ARHGAP5: variants seen among roughly 807,000 people sequenced by gnomAD.
The protein encoded by ARHGAP5 is rho GTPase-activating protein 5.
A neutral mutation model predicts 116.6 loss-of-function variants in ARHGAP5; 23 were observed. That is an observed-to-expected ratio of 0.20 (90% CI 0.14 to 0.28). The LOEUF (loss-of-function observed/expected upper bound fraction) is 0.28. Ranked by LOEUF, ARHGAP5 falls within the 10% of genes least tolerant of loss-of-function variation. The pLI is 1.00. For synonymous variants in ARHGAP5, 574 were observed against 602.0 expected (o/e 0.95, Z 0.68); for missense variants, 1,405 against 1,774.8 (o/e 0.79, Z 3.74).
At chr14:32,123,586 CTT>C (rs904119545) in intron 3 of ARHGAP5, among the ~76,000 whole-genome samples, 2 of 150,724 alleles carry the variant, frequency 1.3e-5, no homozygotes, top group African/African-American at 4.9e-5. Flanking sequence ...TTTTCTGCTT[CTT>C]GTTTTGATAG....
chr14:32,145,498 A>G (rs1315617990), intron 3 of ARHGAP5, among the ~76,000 whole-genome samples: 2 of 152,044 alleles, frequency 1.3e-5, no homozygotes, highest in African/African-American at 2.4e-5. Context: ...AGTTTTGGGT[A>G]TGGTGGTGGT....
At chr14:32,080,978 A>G (rs571510195) in intron 1 of ARHGAP5, among the ~76,000 whole-genome samples, 209 of 152,284 alleles carry the variant, frequency 1.4e-3, no homozygotes, top group African/African-American at 4.7e-3. Flanking sequence ...TTTCATCATG[A>G]AGAGTTAATG....
chr14:32,140,605 A>G (rs188778480), intron 3 of ARHGAP5, among the ~76,000 whole-genome samples: 1 of 152,196 alleles, frequency 6.6e-6, no homozygotes, highest in East Asian at 1.9e-4. Flanking sequence ...AAGAAAAAAG[A>G]ATGTTGTTTA....
intron 1 of ARHGAP5, among the ~76,000 whole-genome samples, chr14:32,082,929 C>T (rs1031306123): frequency 6.6e-6 from 1 of 152,214 alleles, no homozygotes; most frequent in Non-Finnish European, 1.5e-5. Context: ...GTCTTGTATT[C>T]CTCCTCTAGA....
intron 1 of ARHGAP5, among the ~76,000 whole-genome samples, chr14:32,079,348 A>C (rs967825386): frequency 6.6e-6 from 1 of 152,170 alleles, no homozygotes; most frequent in Non-Finnish European, 1.5e-5. Context: ...TTGCGGCAGA[A>C]TTCTGTTATC....
At chr14:32,080,787 C>T (rs929906829) in intron 1 of ARHGAP5, among the ~76,000 whole-genome samples, 1 of 147,336 alleles carries the variant, frequency 6.8e-6, no homozygotes, top group Non-Finnish European at 1.5e-5. Flanking sequence ...TTTTTTTTTC[C>T]CCCCACTGTG....
In ARHGAP5 at chr14:32,092,289, C is replaced by T; in HGVS notation, c.1620C>T (p.Ser540=). ...AGAAACTTGCACCTGATAGGGAATCCCTTCTACTTAAGCATATAGGATTTG... is the reference window on the plus strand; with the variant it reads ...AGAAACTTGCACCTGATAGGGAATCTCTTCTACTTAAGCATATAGGATTTG... ...ALQKLAPDRE[S]LLLKHIGFVY... is the part of the protein sequence containing the mutation. Residue 540 remains serine, a synonymous_variant, in exon 2 of 7, where the codon TCC becomes TCT. Coordinates refer to ENST00000345122, the MANE Select transcript of ARHGAP5 (RefSeq NM_001030055.2). This position sits in a 1 kb window ranked among gnomAD's most constrained non-coding sequence, Gnocchi z 4.1. 1 of 1,613,594 alleles carries T rather than the reference C, an allele frequency of 6.2e-7. No individual in the cohort carries two copies.
At chr14:32,138,970 C>T (rs1293042936) in intron 3 of ARHGAP5, among the ~76,000 whole-genome samples, 8 of 151,948 alleles carry the variant, frequency 5.3e-5, no homozygotes, top group African/African-American at 1.2e-4. Flanking sequence ...ATGGTTCCCC[C>T]CACCCCCTGC....
chr14:32,077,470 C>A (rs1012278464), intron 1 of ARHGAP5, 35 bp downstream of exon 1: 4 of 686,382 alleles, frequency 5.8e-6, no homozygotes, highest in Non-Finnish European at 1.1e-5. Flanking sequence ...TCCAAGCCTG[C>A]CTGCCCCCTC....
Position 32,157,737 on chromosome 14 carries a change from T to C in ARHGAP5, c.*2789T>C, listed in dbSNP as rs939958350. The C allele has an allele frequency of 2.0e-5, 3 of 151,694 alleles. No homozygotes were observed. Among genetic ancestry groups the C allele is most frequent in the Admixed American group, 2.0e-4 (3 of 15,238 alleles). The allele number at this position is 151,694 out of a possible 1,614,324, so 9.4% of individuals were successfully genotyped here. A position where few individuals can be genotyped will look rare whatever the true frequency, so the allele number is the denominator to read the frequency against. ...ACATTTACAGTGTAAATACTGCAGG[T>C]AACCGCAATCTAAGTTAGCCAAAAA... is the stretch of plus-strand genomic sequence containing the variant. On this transcript the variant is annotated 3_prime_UTR_variant, in exon 7 of 7. Coordinates refer to ENST00000345122, the MANE Select transcript of ARHGAP5 (RefSeq NM_001030055.2).
In ARHGAP5 at chr14:32,090,371, A is replaced by T. The variant is rs1878183698; in HGVS notation, c.-168-131A>T. ...TATAACAGTAAATCATAAACTGTTT[A>T]TGTAGTTACCTCTTAAAATACATGT... On this transcript the variant is annotated intron_variant, in intron 1 of 6. Coordinates refer to ENST00000345122, the MANE Select transcript of ARHGAP5 (RefSeq NM_001030055.2). The T allele has an allele frequency of 7.2e-6, 3 of 414,134 alleles. No homozygotes were observed. In the South Asian group the frequency reaches 3.1e-4, roughly 43 times the overall value. The allele number at this position is 414,134 out of a possible 1,614,324, so 25.7% of individuals were successfully genotyped here. A position where few individuals can be genotyped will look rare whatever the true frequency, so the allele number is the denominator to read the frequency against.
At chr14:32,079,190 G>A (rs895842629) in intron 1 of ARHGAP5, among the ~76,000 whole-genome samples, 1 of 152,136 alleles carries the variant, frequency 6.6e-6, no homozygotes, top group Non-Finnish European at 1.5e-5. Flanking sequence ...AGAATCAGAC[G>A]GTACAGATGA....
Position 32,090,912 on chromosome 14 carries a change from T to C in ARHGAP5, c.243T>C (p.Asn81=). 1 of 1,613,590 alleles carries C rather than the reference T, an allele frequency of 6.2e-7. No individual in the cohort carries two copies. The highest frequency in any genetic ancestry group is 8.5e-7 in the Non-Finnish European group (1 of 1,179,614). ...HFLYWGDIIQ[N]SEDGVECKIH... is the part of the protein sequence containing the mutation. ...TGTACTGGGGTGACATAATACAAAA[T>C]AGTGAAGATGGAGTAGAATGCAAAA... Residue 81 remains asparagine, a synonymous_variant, in exon 2 of 7, where the codon AAT becomes AAC. Transcript: ENST00000345122.
intron 3 of ARHGAP5, among the ~76,000 whole-genome samples, chr14:32,140,094 G>GTTTTTTTTT (rs1566681674): frequency 6.2e-5 from 2 of 32,442 alleles, no homozygotes; most frequent in African/African-American, 2.8e-4. Flanking sequence ...TAGGTTATTT[G>GTTTTTTTTT]TTCTTTTTTT....
chr14:32,095,348 G>A lies in ARHGAP5; in HGVS notation c.3717+962G>A, dbSNP rs571854995. Among the ~76,000 whole-genome samples the A allele has an allele frequency of 2.8e-4, 41 of 148,258 alleles. 1 individual carries two copies. In the South Asian group the frequency reaches 3.6e-3, roughly 13 times the overall value. On this transcript the variant is annotated intron_variant, in intron 2 of 6. Coordinates refer to ENST00000345122, the MANE Select transcript of ARHGAP5 (RefSeq NM_001030055.2). ...CTTTATTTTCTAAGTTTAAGTTAAA[G>A]TATTACCTTTTTTTGTCGTTAGCAA...
chr14:32,136,078 C>G (rs1225115872), intron 3 of ARHGAP5, among the ~76,000 whole-genome samples: 3 of 152,138 alleles, frequency 2.0e-5, no homozygotes, highest in East Asian at 3.9e-4. Context: ...TATACTACTA[C>G]TAGTTCTTGT....
At chr14:32,104,102 A>G (rs1682478844) in intron 2 of ARHGAP5, among the ~76,000 whole-genome samples, 1 of 152,120 alleles carries the variant, frequency 6.6e-6, no homozygotes, top group African/African-American at 2.4e-5. Flanking sequence ...ATACTTTCTA[A>G]AGGCCTGTGG....
rs536226994 is a variant in ARHGAP5 at position 32,121,111 on chromosome 14, C to T, written c.3865+3824C>T. 8.6e-5 allele frequency among the ~76,000 whole-genome samples: 13 copies of T among 150,946 alleles called. No individual in the cohort carries two copies. The East Asian group carries it at 1.6e-3, about 18-fold the overall frequency. On this transcript the variant is annotated intron_variant, in intron 3 of 6. Transcript: ENST00000345122. ...CAGCTAGTTGCAACCTCCACCTCCC[C>T]GGCTCAGGCAATCCTCCCACCTCAG...
chr14:32,115,543 G>A (rs1270290129), intron 2 of ARHGAP5, among the ~76,000 whole-genome samples: 7 of 151,644 alleles, frequency 4.6e-5, no homozygotes, highest in African/African-American at 1.5e-4. Context: ...GCGGGCACCA[G>A]TAGTCCCAGC....
Sources: allele counts gnomAD v4.1 joint callset (sites outside exome capture counted in the v4.1 genomes callset), GRCh38; gene constraint gnomAD v4.1.1; non-coding constraint Gnocchi (gnomAD v3.1); transcripts MANE v1.5; gene names NCBI Gene and HGNC (gene_info 2026-07-23, HGNC 2026-07-21).